Variants in TCTN2 observed in about 807,000 individuals in gnomAD.
TCTN2 encodes tectonic family member 2.
TCTN2 carries 66 observed loss-of-function variants against 83.4 expected under a neutral mutation model. The observed-to-expected ratio is 0.79, with a 90% CI of 0.65 to 0.97. The LOEUF (loss-of-function observed/expected upper bound fraction) is 0.97, where lower values mean the gene tolerates loss of function less well. TCTN2 is among the 50% of genes least tolerant of loss of function. The pLI is 0.00. For missense variants in TCTN2, 794 were observed against 858.1 expected, an observed-to-expected ratio of 0.93 and a Z score of 0.93; for synonymous variants, 301 against 326.7, an observed-to-expected ratio of 0.92 and a Z score of 0.85.
intron 3 of TCTN2, 47 bp from the exon 4 acceptor site, chr12:123,673,568 A>G: frequency 1.3e-6 from 2 of 1,570,194 alleles, no homozygotes; most frequent in Non-Finnish European, 1.8e-6. Flanking sequence ...ATTCTTATAG[A>G]CCCTGTTTTG....
chr12:123,698,885 C>A (rs1330257811), intron 13 of TCTN2, among the ~76,000 whole-genome samples: 2 of 152,124 alleles, frequency 1.3e-5, no homozygotes, highest in African/African-American at 2.4e-5. Context: ...AGGCCTGAGT[C>A]CATGGGCAGA....
At chr12:123,687,086 T>C (rs1465086951) in intron 6 of TCTN2, 51 bp downstream of exon 6, 14 of 1,605,090 alleles carry the variant, frequency 8.7e-6, no homozygotes, top group Non-Finnish European at 1.1e-5. Context: ...CCCGCCCTGG[T>C]GGGGCCATAC....
rs1393506524 is a variant in TCTN2, at chr12:123,697,214, A to G, written c.1505+16A>G. ...CTCAGCTCAGGTGAGTGTTTCATTG[A>G]TGAATATATCGGCAATGTGAATGGT... On this transcript the variant is annotated intron_variant, in intron 13 of 17. Coordinates refer to ENST00000303372, the MANE Select transcript of TCTN2 (RefSeq NM_024809.5). 1 of 1,540,202 alleles carries G rather than the reference A, an allele frequency of 6.5e-7. No homozygotes were observed. Among genetic ancestry groups the G allele is most frequent in the African/African-American group, 1.4e-5 (1 of 73,504 alleles).
At chr12:123,696,950 A>G in intron 12 of TCTN2, 137 bp from the exon 13 acceptor site, 1 of 717,886 alleles carries the variant, frequency 1.4e-6, no homozygotes, top group Non-Finnish European at 2.5e-6. Context: ...AAAGGATTAG[A>G]CTAACAGTGA....
intron 4 of TCTN2, among the ~76,000 whole-genome samples, chr12:123,676,565 CTAAAA>C (rs1955824706): frequency 2.2e-5 from 1 of 45,238 alleles, no homozygotes; most frequent in African/African-American, 1.3e-4. Context: ...GAGACTCCAT[CTAAAA>C]AAAAAAAAAA....
chr12:123,700,515 C>T (rs1256903270), intron 14 of TCTN2, among the ~76,000 whole-genome samples: 2 of 152,224 alleles, frequency 1.3e-5, no homozygotes, highest in African/African-American at 2.4e-5. Context: ...TCACTGCAAC[C>T]TCTGCCTCCT....
At chr12:123,699,890 C>T in intron 14 of TCTN2, 80 bp downstream of exon 14, 1 of 1,086,110 alleles carries the variant, frequency 9.2e-7, no homozygotes, top group African/African-American at 1.5e-5. Flanking sequence ...TAGAGCCCAA[C>T]CCAGTAGGTC....
At chr12:123,671,354 C>T (rs778753561) in intron 1 of TCTN2, 32 bp downstream of exon 1, 2 of 1,609,910 alleles carry the variant, frequency 1.2e-6, no homozygotes, top group South Asian at 2.2e-5. Context: ...CCTCGGTGGG[C>T]CGGGGCTGAG....
chr12:123,698,035 C>CTGTTTT (rs1162925964), intron 13 of TCTN2, among the ~76,000 whole-genome samples: 9 of 151,076 alleles, frequency 6.0e-5, no homozygotes, highest in Admixed American at 2.0e-4. Flanking sequence ...GGCCTATGTT[C>CTGTTTT]TGTTTTTGTT....
At chr12:123,689,962 G>A (rs185645131) in intron 7 of TCTN2, among the ~76,000 whole-genome samples, 2 of 152,002 alleles carry the variant, frequency 1.3e-5, no homozygotes, top group South Asian at 2.1e-4. Flanking sequence ...CATTATACCC[G>A]GTTAATTTTT....
At position 123,688,056 on chromosome 12, in the gene TCTN2, C is replaced by G. The variant is rs780567399; in HGVS notation, c.770C>G (p.Pro257Arg). 5.0e-6 allele frequency: 8 copies of G among 1,613,970 alleles called. No homozygotes were observed. Among genetic ancestry groups the G allele is most frequent in the South Asian group, 1.1e-5 (1 of 91,066 alleles). Residue 257 changes from proline to arginine, a missense_variant, in exon 7 of 18, where the codon CCC becomes CGC. Coordinates refer to ENST00000303372, the MANE Select transcript of TCTN2 (RefSeq NM_024809.5). ...LGYFYHGAVS[P>R]KQDSSFEVYV... Reference sequence around the variant, plus strand: ...CCTTTCTTATTGATTTTCAGTTCCCCCAAACAGGACTCTTCCTTTGAAGTA... The same window carrying G: ...CCTTTCTTATTGATTTTCAGTTCCCGCAAACAGGACTCTTCCTTTGAAGTA...
chr12:123,701,546 G>T (rs192596535), intron 14 of TCTN2, among the ~76,000 whole-genome samples: 271 of 151,864 alleles, frequency 1.8e-3, no homozygotes, highest in Admixed American at 2.7e-3. Context: ...AGAGCATCCT[G>T]CCTAACACAG....
In TCTN2 at chr12:123,706,857, C is replaced by A; in HGVS notation, c.1895+6C>A. ...TTACCCCACCCCCTGACAAGGTACTCCAGTTGCTCACCTAGTTGACATTAG... is the reference window on the plus strand; with the variant it reads ...TTACCCCACCCCCTGACAAGGTACTACAGTTGCTCACCTAGTTGACATTAG... On this transcript the variant is annotated splice_donor_region_variant and intron_variant, in intron 16 of 17. Transcript: ENST00000303372. The A allele has an allele frequency of 6.2e-7, 1 of 1,614,068 alleles. No individual in the cohort carries two copies. Among genetic ancestry groups the A allele is most frequent in the Non-Finnish European group, 8.5e-7 (1 of 1,180,000 alleles).
rs7979528 is a variant in TCTN2 at position 123,697,273 on chromosome 12, A to G, written c.1505+75A>G. Reference sequence around the variant, plus strand: ...AATTAATTCACTACATGAATATCAAAGACAGCATGAATATGAAAAATTAGA... The same window carrying G: ...AATTAATTCACTACATGAATATCAAGGACAGCATGAATATGAAAAATTAGA... On this transcript the variant is annotated intron_variant, in intron 13 of 17. Coordinates refer to ENST00000303372, the MANE Select transcript of TCTN2 (RefSeq NM_024809.5). The G allele has an allele frequency of 0.35, 373,318 of 1,052,298 alleles. 70,206 individuals are homozygous for G. The highest frequency in any genetic ancestry group is 0.41 in the African/African-American group (26,488 of 63,970). 65.2% of individuals were successfully genotyped at this position (1,052,298 alleles called of 1,614,324 possible). A position where few individuals can be genotyped will look rare whatever the true frequency, so the allele number is the denominator to read the frequency against.
At position 123,672,074 on chromosome 12, in the gene TCTN2, C is replaced by T. The variant is rs1593828493; in HGVS notation, c.209C>T (p.Thr70Met). 3 of 1,614,116 alleles carry T rather than the reference C, an allele frequency of 1.9e-6. No individual in the cohort carries two copies. The highest frequency in any genetic ancestry group is 2.2e-5 in the South Asian group (2 of 91,080). ...TCTTTAGGAATATTGCCAATTCCGA[C>T]GTGTGGAGTGCTGAACAATGAGACG... is the stretch of plus-strand genomic sequence containing the variant. ...QDEAGILPIP[T>M]CGVLNNETED... The change falls in exon 3 of 18, where the codon ACG (threonine) becomes ATG (methionine). Residue 70 changes from threonine to methionine, a missense_variant. Physicochemically the swap from Thr to Met is moderately conservative, Grantham distance 81 (BLOSUM62 -1). Coordinates refer to ENST00000303372, the MANE Select transcript of TCTN2 (RefSeq NM_024809.5).
chr12:123,671,722 A>G, intron 2 of TCTN2, 108 bp downstream of exon 2: 2 of 929,348 alleles, frequency 2.2e-6, no homozygotes, highest in Admixed American at 2.1e-5. Flanking sequence ...TGTTCTCTGC[A>G]AAGTCGCATG....
intron 9 of TCTN2, 23 bp downstream of exon 9, chr12:123,692,746 G>T (rs779954472): frequency 1.3e-6 from 2 of 1,565,646 alleles, no homozygotes; most frequent in Non-Finnish European, 1.8e-6. Context: ...ACACTTTGAC[G>T]TCATTTCTTC....
intron 9 of TCTN2, among the ~76,000 whole-genome samples, chr12:123,693,376 C>CTTTTTTT (rs373196834): frequency 2.2e-5 from 2 of 92,948 alleles, no homozygotes; most frequent in African/African-American, 4.4e-5. Flanking sequence ...GCTTTCTTTC[C>CTTTTTTT]TTTTTTTTTT....
intron 5 of TCTN2, among the ~76,000 whole-genome samples, chr12:123,681,256 C>CAAAAAAAAA (rs71088946): frequency 0.35 from 49,758 of 140,182 alleles, 9,412 homozygotes; most frequent in African/African-American, 0.43. Context: ...GACTCTCTTT[C>CAAAAAAAAA]AAAAAAAAAG....
Sources: gnomAD v4.1 joint callset for allele counts (sites outside exome capture counted in the v4.1 genomes callset) on GRCh38, gnomAD v4.1.1 for gene constraint, MANE v1.5 for transcripts, NCBI Gene and HGNC (gene_info 2026-07-23, HGNC 2026-07-21) for gene names.